Variants in RBM26 observed in about 807,000 individuals in gnomAD.
RBM26 encodes RNA binding motif protein 26.
In RBM26, 30 loss-of-function variants were observed where a neutral mutation model predicts 123.6. The observed-to-expected ratio is 0.24, with a 90% CI of 0.18 to 0.33. The LOEUF is 0.33. Ranked by LOEUF, RBM26 falls within the 10% of genes least tolerant of loss-of-function variation. The pLI is 1.00. For synonymous variants in RBM26, 400 were observed against 404.4 expected (o/e 0.99, Z 0.13); for missense variants, 947 against 1,203.6 (o/e 0.79, Z 3.15).
chr13:79,349,353 C>T (rs755078237), intron 14 of RBM26, among the ~76,000 whole-genome samples: 1 of 152,108 alleles, frequency 6.6e-6, no homozygotes, highest in East Asian at 1.9e-4. Flanking sequence ...TGTCCTCAGC[C>T]ACTGGTAACC....
intron 1 of RBM26, among the ~76,000 whole-genome samples, chr13:79,381,052 TAACACTTACTC>T (rs969434112): frequency 1.3e-5 from 2 of 152,044 alleles, no homozygotes; most frequent in African/African-American, 4.8e-5. Context: ...AGTTAATTAC[TAACACTTACTC>T]AACAATTACT....
chr13:79,388,030 C>A (rs2077633599), intron 1 of RBM26, among the ~76,000 whole-genome samples: 1 of 152,188 alleles, frequency 6.6e-6, no homozygotes, highest in South Asian at 2.1e-4. Flanking sequence ...AACATTATAG[C>A]AATCTAAATT....
chr13:79,344,888 C>A, intron 14 of RBM26, 94 bp from the exon 15 acceptor site: 1 of 1,189,944 alleles, frequency 8.4e-7, no homozygotes, highest in South Asian at 1.4e-5. Flanking sequence ...TACTGTTAAA[C>A]TTCAGCTTCA....
chr13:79,355,366 G>C lies in RBM26; in HGVS notation c.1708C>G (p.Pro570Ala), dbSNP rs1303363092. ...GCAAATTGGATTAGGGCACCTTCAG[G>C]ATCACCATTATAAGCAACCTAAGAT... ...VNLQVAYNGD[P>A]EGALIQFATY... The change falls in exon 12 of 22, where the codon CCT (proline) becomes GCT (alanine). Residue 570 changes from proline (P) to alanine (A), a missense_variant. By Grantham distance (27) the Pro-to-Ala change is conservative. This residue lies in a region of RBM26 where 493 missense variants were observed against 563.1 expected (regional missense o/e 0.88). Transcript: ENST00000438737. 2.5e-6 allele frequency: 4 copies of C among 1,613,216 alleles called. No homozygotes were observed. Among genetic ancestry groups the C allele is most frequent in the Non-Finnish European group, 3.4e-6 (4 of 1,179,558 alleles).
At chr13:79,352,750 A>C (rs1353568926) in intron 14 of RBM26, among the ~76,000 whole-genome samples, 7 of 152,178 alleles carry the variant, frequency 4.6e-5, no homozygotes, top group African/African-American at 1.7e-4. Flanking sequence ...AAAGATTCAG[A>C]AAAATTAAGA....
chr13:79,364,041 A>G (rs1247015908), intron 9 of RBM26, among the ~76,000 whole-genome samples: 1 of 152,148 alleles, frequency 6.6e-6, no homozygotes, highest in Non-Finnish European at 1.5e-5. Flanking sequence ...ATATAGGTAA[A>G]CATCACACAA....
At chr13:79,346,822 A>T (rs1305233431) in intron 14 of RBM26, among the ~76,000 whole-genome samples, 3 of 152,218 alleles carry the variant, frequency 2.0e-5, no homozygotes, top group Non-Finnish European at 4.4e-5. Flanking sequence ...TAGTAGAGAA[A>T]CACAGGATAA....
intron 14 of RBM26, among the ~76,000 whole-genome samples, chr13:79,347,225 C>T (rs1489432976): frequency 8.9e-6 from 1 of 111,786 alleles, no homozygotes; most frequent in African/African-American, 3.6e-5. Context: ...ACTAGAACAT[C>T]CACGAATGTG....
At chr13:79,374,103 A>ACC (rs1263793369) in intron 3 of RBM26, among the ~76,000 whole-genome samples, 1 of 152,084 alleles carries the variant, frequency 6.6e-6, no homozygotes, top group African/African-American at 2.4e-5. Flanking sequence ...TAGTCTACGC[A>ACC]CAGGGTACAC....
At chr13:79,375,357 G>C (rs905861619) in intron 3 of RBM26, among the ~76,000 whole-genome samples, 2 of 151,248 alleles carry the variant, frequency 1.3e-5, no homozygotes, top group African/African-American at 4.9e-5. Context: ...TTTTAGTAGC[G>C]ACAGGGTTTC....
At chr13:79,367,322 G>A (rs576923347) in intron 6 of RBM26, among the ~76,000 whole-genome samples, 5 of 149,586 alleles carry the variant, frequency 3.3e-5, no homozygotes, top group East Asian at 2.0e-4. Context: ...CAGGAGAATC[G>A]CTAGAACCCG....
In RBM26 at chr13:79,366,148, G is replaced by A. The variant is rs1296030075; in HGVS notation, c.1183C>T (p.Pro395Ser). 4 of 1,613,820 alleles carry A rather than the reference G, an allele frequency of 2.5e-6. No individual in the cohort carries two copies. Among genetic ancestry groups the A allele is most frequent in the Admixed American group, 1.7e-5 (1 of 60,008 alleles). ...PPLQPSGMDAPPNSATSSVPT... is the reference protein window; with the variant it reads ...PPLQPSGMDASPNSATSSVPT... Reference sequence around the variant, plus strand: ...ACAGAACTGGTTGCAGAGTTTGGAGGAGCATCCATGCCAGATGGCTGCAAA... The same window carrying A: ...ACAGAACTGGTTGCAGAGTTTGGAGAAGCATCCATGCCAGATGGCTGCAAA... The change falls in exon 8 of 22, where the codon CCT becomes TCT. Residue 395 changes from proline (P) to serine (S), a missense_variant. Physicochemically the swap from Pro to Ser is moderately conservative, Grantham distance 74. This residue lies in a region of RBM26 where 493 missense variants were observed against 563.1 expected (regional missense o/e 0.88). Coordinates refer to ENST00000438737, the MANE Select transcript of RBM26 (RefSeq NM_001366735.2).
intron 3 of RBM26, among the ~76,000 whole-genome samples, chr13:79,375,179 A>T (rs9530911): frequency 0.4 from 53,494 of 132,964 alleles, 11,494 homozygotes; most frequent in South Asian, 0.5. Flanking sequence ...ATATATATAT[A>T]TTTTTTTTTT....
intron 2 of RBM26, among the ~76,000 whole-genome samples, chr13:79,377,877 A>G (rs1401842527): frequency 6.6e-6 from 1 of 151,946 alleles, no homozygotes; most frequent in Non-Finnish European, 1.5e-5. Context: ...CACTGCACTC[A>G]AGATCACGCC....
At chr13:79,330,820 A>G (rs535946494) in intron 20 of RBM26, among the ~76,000 whole-genome samples, 2 of 152,272 alleles carry the variant, frequency 1.3e-5, no homozygotes, top group African/African-American at 2.4e-5. Context: ...CTTGAGTTCA[A>G]TGCACATGGC....
intron 9 of RBM26, among the ~76,000 whole-genome samples, chr13:79,363,773 T>C (rs2074972541): frequency 6.6e-6 from 1 of 152,098 alleles, no homozygotes; most frequent in African/African-American, 2.4e-5. Context: ...CAACCAGAAA[T>C]TGCCCTAGCA....
downstream of RBM26, among the ~76,000 whole-genome samples, chr13:79,316,825 T>C (rs542241841): frequency 6.6e-6 from 1 of 151,894 alleles, no homozygotes; most frequent in South Asian, 2.1e-4. Context: ...TCCTCAATTT[T>C]TTCCTGTAGG....
At chr13:79,389,403 T>A (rs1178214594) in intron 1 of RBM26, 2 of 152,038 alleles carry the variant, frequency 1.3e-5, no homozygotes, top group African/African-American at 4.8e-5. Context: ...GCAGAGTTAT[T>A]TAAAAAGTCA....
At chr13:79,366,216 G>A in intron 7 of RBM26, 21 bp from the exon 8 acceptor site, 2 of 1,602,406 alleles carry the variant, frequency 1.2e-6, no homozygotes, top group Non-Finnish European at 8.5e-7. Flanking sequence ...CAAAGAATAA[G>A]AAATATCATC....
Sources: gnomAD v4.1 joint callset for allele counts (sites outside exome capture counted in the v4.1 genomes callset) on GRCh38, gnomAD v4.1.1 for gene constraint, gnomAD v4.1.1 regional missense constraint, MANE v1.5 for transcripts, NCBI Gene and HGNC (gene_info 2026-07-23, HGNC 2026-07-21) for gene names.